Variants in CRIP2 observed in about 807,000 individuals in gnomAD.
CRIP2 encodes cysteine rich protein 2.
Under a neutral mutation model 31.3 loss-of-function variants are expected in CRIP2, and 31 were observed. The observed-to-expected ratio is 0.99, with a 90% CI of 0.74 to 1.34. The LOEUF (loss-of-function observed/expected upper bound fraction) is 1.34, where lower values mean the gene tolerates loss of function less well. CRIP2 is among the 40% of genes most tolerant of loss of function. CRIP2 has a pLI of 0.00. For missense variants in CRIP2, 389 were observed against 301.6 expected (o/e 1.29, Z -2.15); for synonymous variants, 177 against 127.2 (o/e 1.39, Z -2.63).
At position 105,474,957 on chromosome 14, in the gene CRIP2, G is replaced by T. The variant is rs1555435439; in HGVS notation, c.43+52G>T. 6.9e-7 allele frequency: 1 copy of T among 1,458,658 alleles called. No individual in the cohort carries two copies. The highest frequency in any genetic ancestry group is 9.1e-7 in the Non-Finnish European group (1 of 1,100,964). 90.4% of individuals were successfully genotyped at this position (1,458,658 alleles called of 1,614,324 possible). On this transcript the variant is annotated intron_variant, in intron 1 of 7. Coordinates refer to ENST00000329146, the MANE Select transcript of CRIP2 (RefSeq NM_001312.4). This position sits in a 1 kb window ranked among gnomAD's most constrained non-coding sequence, Gnocchi z 5.1. ...CTCGGTGCATCCCGCCGCCCTTCGCGGCCAGTCCCGCGCCGCAGAGCCGCG... is the reference window on the plus strand; with the variant it reads ...CTCGGTGCATCCCGCCGCCCTTCGCTGCCAGTCCCGCGCCGCAGAGCCGCG...
upstream of CRIP2, chr14:105,473,608 G>A (rs1408818995): frequency 7.1e-6 from 10 of 1,408,752 alleles, no homozygotes; most frequent in East Asian, 2.5e-5. Context: ...GGGCTTCTGG[G>A]ATCTGCCTGT....
upstream of CRIP2, chr14:105,474,093 C>G (rs587622718): frequency 6.4e-6 from 1 of 157,170 alleles, no homozygotes; most frequent in Non-Finnish European, 1.4e-5. The surrounding 1 kb of genome is among the most constrained non-coding windows in gnomAD (Gnocchi z 5.1). Flanking sequence ...GGGAGGCAGA[C>G]GCAGACCTCC....
At chr14:105,479,396 G>A (rs1414474482) in intron 6 of CRIP2, 40 bp from the exon 7 acceptor site, 5 of 1,611,364 alleles carry the variant, frequency 3.1e-6, no homozygotes, top group Non-Finnish European at 3.4e-6. Context: ...GGTCGGGGGA[G>A]TCTGTGGACT....
Position 105,479,450 on chromosome 14 carries a change from C to CT in CRIP2, c.517dup (p.Tyr173LeufsTer27), listed in dbSNP as rs2084040143. On this transcript the variant is annotated frameshift_variant, in exon 7 of 8. Coordinates refer to ENST00000329146, the MANE Select transcript of CRIP2 (RefSeq NM_001312.4). LOFTEE classifies it high-confidence loss of function. The stretch of plus-strand genomic sequence containing the variant: ...TTCTGCCCCAGCACGACGGCCAGCC[C>CT]TACTGCCACAAGCCCTGCTATGGAA... 1 of 1,612,768 alleles carries CT rather than the reference C, an allele frequency of 6.2e-7. No homozygotes were observed. Among genetic ancestry groups the CT allele is most frequent in the African/African-American group, 1.3e-5 (1 of 74,930 alleles).
Position 105,478,241 on chromosome 14 carries a change from C to T in CRIP2, c.44-25C>T. 1.3e-6 allele frequency: 2 copies of T among 1,505,902 alleles called. No individual in the cohort carries two copies. Among genetic ancestry groups the T allele is most frequent in the Non-Finnish European group, 1.8e-6 (2 of 1,126,372 alleles). 93.3% of individuals were successfully genotyped at this position (1,505,902 alleles called of 1,614,324 possible). Reference sequence around the variant, plus strand: ...GGTGCGGGGCGCGCCCCGGCCCTGACCCCCCTGCCGCCCCTCCCGCTCAGC... The same window carrying T: ...GGTGCGGGGCGCGCCCCGGCCCTGATCCCCCTGCCGCCCCTCCCGCTCAGC... On this transcript the variant is annotated intron_variant, in intron 1 of 7. Coordinates refer to ENST00000329146, the MANE Select transcript of CRIP2 (RefSeq NM_001312.4). This position sits in a 1 kb window ranked among gnomAD's most constrained non-coding sequence, Gnocchi z 4.9.
chr14:105,475,507 G>A (rs1413721295), intron 1 of CRIP2: 3 of 152,432 alleles, frequency 2.0e-5, no homozygotes, highest in Admixed American at 2.0e-4. Flanking sequence ...AGTTCCCCCA[G>A]GAGTTTCACA....
At chr14:105,476,511 T>G (rs782057776) in intron 1 of CRIP2, 1 of 985,338 alleles carries the variant, frequency 1.0e-6, no homozygotes, top group Non-Finnish European at 1.2e-6. Context: ...TCTGAGCCAT[T>G]AGACCCAATC....
At chr14:105,477,535 G>T (rs1007689592) in intron 1 of CRIP2, 38 of 984,626 alleles carry the variant, frequency 3.9e-5, no homozygotes, top group Non-Finnish European at 4.6e-5. Flanking sequence ...GATCAGGGGC[G>T]TGTCAGTGCG....
chr14:105,473,384 C>T (rs1235481388), upstream of CRIP2: 21 of 1,535,514 alleles, frequency 1.4e-5, no homozygotes, highest in Non-Finnish European at 1.7e-5. Flanking sequence ...GCAGTGGCTG[C>T]AGGGTGTGTG....
At position 105,480,143 on chromosome 14, in the gene CRIP2, T is replaced by G; in HGVS notation, c.*490T>G. On this transcript the variant is annotated 3_prime_UTR_variant, in exon 8 of 8. Transcript: ENST00000329146. Reference sequence around the variant, plus strand: ...CTGCTGTTGAGCCTTGTGCTGTCAATAAACGGTTTGAGGATTGCAGGATTG... The same window carrying G: ...CTGCTGTTGAGCCTTGTGCTGTCAAGAAACGGTTTGAGGATTGCAGGATTG... 5.6e-6 allele frequency: 1 copy of G among 177,356 alleles called. No homozygotes were observed. Among genetic ancestry groups the G allele is most frequent in the African/African-American group, 2.4e-5 (1 of 42,142 alleles). 11.0% of individuals were successfully genotyped at this position (177,356 alleles called of 1,614,324 possible).
In CRIP2 at chr14:105,479,612, T is replaced by G; in HGVS notation, c.586T>G (p.Tyr196Asp). ...KGVNTGAVGS[Y>D]IYDRDPEGKV... ...AGTGAACACCGGTGCGGTGGGCAGC[T>G]ACATCTATGACCGGGACCCCGAAGG... Residue 196 changes from tyrosine to aspartate, a missense_variant, in exon 8 of 8, where the codon TAC becomes GAC. Coordinates refer to ENST00000329146, the MANE Select transcript of CRIP2 (RefSeq NM_001312.4). The G allele has an allele frequency of 6.2e-7, 1 of 1,612,776 alleles. No homozygotes were observed. Among genetic ancestry groups the G allele is most frequent in the Non-Finnish European group, 8.5e-7 (1 of 1,179,934 alleles).
Position 105,479,963 on chromosome 14 carries a change from C to T in CRIP2, c.*310C>T, listed in dbSNP as rs966701279. The T allele has an allele frequency of 1.5e-5, 6 of 410,624 alleles. No individual in the cohort carries two copies. Among genetic ancestry groups the T allele is most frequent in the African/African-American group, 8.1e-5 (4 of 49,340 alleles). The allele number at this position is 410,624 out of a possible 1,614,324, so 25.4% of individuals were successfully genotyped here. A position where few individuals can be genotyped will look rare whatever the true frequency, so the allele number is the denominator to read the frequency against. Reference sequence around the variant, plus strand: ...CCCCGTGGCGCTGTCCGCTCTCCCTCTCCTGCTGCCCACCCACCTGCCAGT... The same window carrying T: ...CCCCGTGGCGCTGTCCGCTCTCCCTTTCCTGCTGCCCACCCACCTGCCAGT... On this transcript the variant is annotated 3_prime_UTR_variant, in exon 8 of 8. Coordinates refer to ENST00000329146, the MANE Select transcript of CRIP2 (RefSeq NM_001312.4).
upstream of CRIP2, chr14:105,473,071 C>T (rs587670690): frequency 1.3e-5 from 9 of 685,978 alleles, no homozygotes; most frequent in East Asian, 2.2e-4. Flanking sequence ...GTAGCAAAGT[C>T]AGGGAGGGTA....
At position 105,479,432 on chromosome 14, in the gene CRIP2, C is replaced by G. The variant is rs782741903; in HGVS notation, c.502-4C>G. On this transcript the variant is annotated splice_polypyrimidine_tract_variant and splice_region_variant and intron_variant, in intron 6 of 7. Transcript: ENST00000329146. Reference sequence around the variant, plus strand: ...CCTCCCTCAGCACCCACCTTCTGCCCCAGCACGACGGCCAGCCCTACTGCC... The same window carrying G: ...CCTCCCTCAGCACCCACCTTCTGCCGCAGCACGACGGCCAGCCCTACTGCC... The G allele has an allele frequency of 6.2e-7, 1 of 1,612,648 alleles. No individual in the cohort carries two copies. Among genetic ancestry groups the G allele is most frequent in the African/African-American group, 1.3e-5 (1 of 74,912 alleles).
chr14:105,478,552 G>A lies in CRIP2; in HGVS notation c.196+45G>A, dbSNP rs1021653954. On this transcript the variant is annotated intron_variant, in intron 3 of 7. Coordinates refer to ENST00000329146, the MANE Select transcript of CRIP2 (RefSeq NM_001312.4). This position sits in a 1 kb window ranked among gnomAD's most constrained non-coding sequence, Gnocchi z 4.9. ...GGCCTGCCCTGGGACCTGCTGGGAG[G>A]GGCGTGGCGCTGGCGCTGGGGAGGG... 3.8e-6 allele frequency: 6 copies of A among 1,583,478 alleles called. No homozygotes were observed. In the South Asian group the frequency reaches 4.6e-5, roughly 12 times the overall value.
In CRIP2 at chr14:105,474,893, A is replaced by G; in HGVS notation, c.31A>G (p.Thr11Ala). 6.6e-7 allele frequency: 1 copy of G among 1,522,054 alleles called. No individual in the cohort carries two copies. Among genetic ancestry groups the G allele is most frequent in the Non-Finnish European group, 8.8e-7 (1 of 1,135,522 alleles). The allele number at this position is 1,522,054 out of a possible 1,614,324, so 94.3% of individuals were successfully genotyped here. Residue 11 changes from threonine (T) to alanine (A), a missense_variant, in exon 1 of 8, where the codon ACC becomes GCC. Transcript: ENST00000329146. The surrounding 1 kb of genome is among the most constrained non-coding windows in gnomAD (Gnocchi z 5.1). ...CTCCAAATGCCCCAAGTGCGACAAG[A>G]CCGTGTACTTCGGTGAGTGCGTGCC... MASKCPKCDK[T>A]VYFAEKVSSL...
chr14:105,475,457 C>G lies in CRIP2; in HGVS notation c.43+552C>G, dbSNP rs141671284. Reference sequence around the variant, plus strand: ...TCAGTCCAAGCGGGGGCGACCTTGGCCTCTGCCTCCTGCTTGTCCCGACGC... The same window carrying G: ...TCAGTCCAAGCGGGGGCGACCTTGGGCTCTGCCTCCTGCTTGTCCCGACGC... On this transcript the variant is annotated intron_variant, in intron 1 of 7. Coordinates refer to ENST00000329146, the MANE Select transcript of CRIP2 (RefSeq NM_001312.4). 563 of 152,696 alleles carry G rather than the reference C, an allele frequency of 3.7e-3. 7 individuals carry two copies. The highest frequency in any genetic ancestry group is 0.013 in the African/African-American group (531 of 41,608). 9.5% of individuals were successfully genotyped at this position (152,696 alleles called of 1,614,324 possible). A position where few individuals can be genotyped will look rare whatever the true frequency, so the allele number is the denominator to read the frequency against.
upstream of CRIP2, chr14:105,473,300 G>C (rs900986337): frequency 2.9e-5 from 45 of 1,532,666 alleles, no homozygotes; most frequent in Non-Finnish European, 3.7e-5. Flanking sequence ...AGTGCAGAGG[G>C]GGAGCTGGTC....
In CRIP2 at chr14:105,479,196, C is replaced by T. The variant is rs1555436746; in HGVS notation, c.478C>T (p.Leu160=). 1 of 1,611,276 alleles carries T rather than the reference C, an allele frequency of 6.2e-7. No homozygotes were observed. Among genetic ancestry groups the T allele is most frequent in the Admixed American group, 1.7e-5 (1 of 59,956 alleles). ...CLRCERCGKT[L]TPGGHAEHDG... ...GCGCTGCGAGCGCTGCGGGAAGACA[C>T]TGACCCCCGGCGGGCACGCGGAGGT... Residue 160 remains leucine, a synonymous_variant, in exon 6 of 8, where the codon CTG becomes TTG. Coordinates refer to ENST00000329146, the MANE Select transcript of CRIP2 (RefSeq NM_001312.4).
Sources: allele counts gnomAD v4.1 joint callset, GRCh38; gene constraint gnomAD v4.1.1; non-coding constraint Gnocchi (gnomAD v3.1); transcripts MANE v1.5; gene names NCBI Gene and HGNC (gene_info 2026-07-23, HGNC 2026-07-21).